TRA2B: variants seen among roughly 807,000 people sequenced by gnomAD.
TRA2B encodes the protein transformer-2 protein homolog beta.
Under a neutral mutation model 41.7 loss-of-function variants are expected in TRA2B, and 14 were observed. The ratio of observed to expected loss-of-function variants is 0.34; its 90% CI spans 0.22 to 0.53. The LOEUF is 0.53. Among genes scored for constraint, TRA2B ranks in the 20% least tolerant of loss-of-function variants. The probability of loss-of-function intolerance (pLI) is 0.95; values close to 1 mark genes in which losing one functional copy is unlikely to be tolerated. For synonymous variants in TRA2B, 130 were observed against 128.8 expected (o/e 1.01, Z -0.06); for missense variants, 167 against 396.8 (o/e 0.42, Z 4.92).
chr3:185,929,413 T>C (rs959781360), intron 1 of TRA2B, among the ~76,000 whole-genome samples: 2 of 152,106 alleles, frequency 1.3e-5, no homozygotes, highest in African/African-American at 2.4e-5. Context: ...AGGGCTGACA[T>C]GGTCAACACA....
intron 3 of TRA2B, 47 bp from the exon 4 acceptor site, chr3:185,924,031 T>A (rs1339991667): frequency 6.5e-7 from 1 of 1,546,772 alleles, no homozygotes; most frequent in Admixed American, 2.0e-5. Context: ...TGTCATAAAA[T>A]CAAAGTTGTT....
intron 8 of TRA2B, among the ~76,000 whole-genome samples, 199 bp downstream of exon 8, chr3:185,918,166 A>G (rs1743575655): frequency 6.6e-6 from 1 of 152,178 alleles, no homozygotes; most frequent in African/African-American, 2.4e-5. Context: ...AGGCTGTCCA[A>G]TTTTTCCTTC....
chr3:185,936,590 G>A (rs1397662481), intron 1 of TRA2B: 40 of 984,820 alleles, frequency 4.1e-5, no homozygotes, highest in Non-Finnish European at 4.7e-5. Flanking sequence ...AGTTTGCTAA[G>A]ACATTTAATA....
chr3:185,932,080 G>C (rs1217209158), intron 1 of TRA2B, among the ~76,000 whole-genome samples: 1 of 152,018 alleles, frequency 6.6e-6, no homozygotes, highest in Non-Finnish European at 1.5e-5. Context: ...TCATGCTTAA[G>C]TTGAATGTGA....
intron 4 of TRA2B, chr3:185,922,732 T>C (rs1276743017): frequency 2.6e-5 from 4 of 152,220 alleles, no homozygotes; most frequent in African/African-American, 9.7e-5. Flanking sequence ...ATAGTTCCTT[T>C]TCCCAAAGTA....
intron 3 of TRA2B, 180 bp downstream of exon 3, chr3:185,925,284 C>A: frequency 1.5e-6 from 1 of 660,150 alleles, no homozygotes; most frequent in Admixed American, 3.2e-5. Flanking sequence ...TGACAGGCAG[C>A]CCAAATGCAG....
chr3:185,923,937 C>T lies in TRA2B; in HGVS notation c.381G>A (p.Leu127=), dbSNP rs1743837912. The T allele has an allele frequency of 6.8e-6, 11 of 1,613,730 alleles. No individual in the cohort carries two copies. The highest frequency in any genetic ancestry group is 9.3e-6 in the Non-Finnish European group (11 of 1,179,924). ...NCCLGVFGLS[L]YTTERDLREV... ...CTCTTAGATCTCTTTCTGTGGTGTA[C>T]AAGCTCAGCCCAAATACTCCAAGAC... Residue 127 remains leucine (L), a synonymous_variant, in exon 4 of 9, where the codon TTG becomes TTA. Coordinates refer to ENST00000453386, the MANE Select transcript of TRA2B (RefSeq NM_004593.3).
chr3:185,918,567 G>A (rs1743592873), intron 7 of TRA2B, 129 bp from the exon 8 acceptor site: 6 of 543,890 alleles, frequency 1.1e-5, no homozygotes, highest in Middle Eastern at 3.0e-4. Context: ...AACCTTCAAG[G>A]TCTGTTTAAA....
In TRA2B at chr3:185,926,780, C is replaced by T. The variant is rs768603712; in HGVS notation, c.37-46G>A. ...TTTAATTTGCACACTTTCTGGGCAACTTTAAAAACAAATAAGCTGCTGTGA... is the reference window on the plus strand; with the variant it reads ...TTTAATTTGCACACTTTCTGGGCAATTTTAAAAACAAATAAGCTGCTGTGA... On this transcript the variant is annotated intron_variant, in intron 1 of 8. Transcript: ENST00000453386. 3.1e-6 allele frequency: 5 copies of T among 1,605,404 alleles called. No individual in the cohort carries two copies. The East Asian group carries it at 8.9e-5, about 29-fold the overall frequency.
intron 7 of TRA2B, 58 bp from the exon 8 acceptor site, chr3:185,918,496 A>G: frequency 2.4e-6 from 3 of 1,274,926 alleles, no homozygotes; most frequent in African/African-American, 1.5e-5. Flanking sequence ...GACCAAACAT[A>G]TAAATTTATG....
chr3:185,922,282 TC>T (rs1234781553), intron 4 of TRA2B, 156 bp from the exon 5 acceptor site: 1 of 461,010 alleles, frequency 2.2e-6, no homozygotes, highest in East Asian at 3.3e-5. Flanking sequence ...AATGTGTTGT[TC>T]CCTCTACTAA....
chr3:185,937,919 C>A lies in TRA2B; in HGVS notation c.-59G>T. 1 of 1,607,466 alleles carries A rather than the reference C, an allele frequency of 6.2e-7. No individual in the cohort carries two copies. The highest frequency in any genetic ancestry group is 8.5e-7 in the Non-Finnish European group (1 of 1,176,584). On this transcript the variant is annotated 5_prime_UTR_variant, in exon 1 of 9. Coordinates refer to ENST00000453386, the MANE Select transcript of TRA2B (RefSeq NM_004593.3). ...CAATCGAAGCTGCCAACCTCTTGCA[C>A]CTTCCTTAAGGAGGCTCCGCCGCAG...
intron 1 of TRA2B, chr3:185,937,003 C>G (rs1744388058): frequency 1.0e-6 from 1 of 985,238 alleles, no homozygotes; most frequent in African/African-American, 1.7e-5. Context: ...GAAATAACGG[C>G]GCCGTAAATG....
intron 1 of TRA2B, chr3:185,931,531 A>G (rs1235960028): frequency 8.0e-6 from 9 of 1,131,572 alleles, no homozygotes; most frequent in Non-Finnish European, 9.7e-6. Context: ...TAATGCATGC[A>G]TGTTTAGCAA....
intron 3 of TRA2B, chr3:185,924,991 T>TG (rs1343439711): frequency 6.6e-6 from 1 of 152,344 alleles, no homozygotes; most frequent in Non-Finnish European, 1.5e-5. Context: ...CTAAACCACT[T>TG]GGATTATACA....
At position 185,916,887 on chromosome 3, in the gene TRA2B, T is replaced by C. The variant is rs1061425; in HGVS notation, c.*828A>G. 6.6e-6 allele frequency: 1 copy of C among 152,610 alleles called. No individual in the cohort carries two copies. Among genetic ancestry groups the C allele is most frequent in the Non-Finnish European group, 1.5e-5 (1 of 68,024 alleles). The allele number at this position is 152,610 out of a possible 1,614,324, so 9.5% of individuals were successfully genotyped here. ...TTCAGTTCATCCATGACAGGTATAG[T>C]GTTCCCTTATCATGTACTTTGAAGC... On this transcript the variant is annotated 3_prime_UTR_variant, in exon 9 of 9. Coordinates refer to ENST00000453386, the MANE Select transcript of TRA2B (RefSeq NM_004593.3).
In TRA2B at chr3:185,917,734, A is replaced by G. The variant is rs1283132269; in HGVS notation, c.857-9T>C. ...CATGCTTTAATAGCGACCTGGGAAG[A>G]AAAGAATGAACATGCTTTAATATTA... On this transcript the variant is annotated splice_polypyrimidine_tract_variant and intron_variant, in intron 8 of 8. Transcript: ENST00000453386. 1.2e-6 allele frequency: 2 copies of G among 1,612,290 alleles called. No individual in the cohort carries two copies. The highest frequency in any genetic ancestry group is 1.7e-5 in the Admixed American group (1 of 59,854).
At chr3:185,931,186 T>A (rs1310595599) in intron 1 of TRA2B, among the ~76,000 whole-genome samples, 1 of 152,206 alleles carries the variant, frequency 6.6e-6, no homozygotes, top group Non-Finnish European at 1.5e-5. Context: ...GAAAATATTC[T>A]ACTATACATT....
chr3:185,936,202 TTC>T (rs1744348403), intron 1 of TRA2B: 8 of 985,438 alleles, frequency 8.1e-6, no homozygotes, highest in East Asian at 2.3e-4. Flanking sequence ...AATTGAATTT[TTC>T]TGTTTAATAA....
Sources: gnomAD v4.1 joint callset for allele counts (sites outside exome capture counted in the v4.1 genomes callset) on GRCh38, gnomAD v4.1.1 for gene constraint, MANE v1.5 for transcripts, NCBI Gene and HGNC (gene_info 2026-07-23, HGNC 2026-07-21) for gene names.